NFIA: variants seen among roughly 807,000 people sequenced by gnomAD.
The protein encoded by NFIA is nuclear factor I A, also known as nuclear factor 1 A-type.
NFIA carries 8 observed loss-of-function variants against 62.8 expected under a neutral mutation model. The ratio of observed to expected loss-of-function variants is 0.13; its 90% confidence interval spans 0.07 to 0.23. The LOEUF (loss-of-function observed/expected upper bound fraction) is 0.23, where lower values mean the gene tolerates loss of function less well. Among genes scored for constraint, NFIA ranks in the 10% least tolerant of loss-of-function variants. NFIA has a pLI of 1.00. For missense variants in NFIA, 410 were observed against 642.1 expected (o/e 0.64, Z 3.91); for synonymous variants, 235 against 238.1 (o/e 0.99, Z 0.12).
chr1:61,308,362 A>T (rs1659916810), intron 3 of NFIA, among the ~76,000 whole-genome samples: 1 of 152,232 alleles, frequency 6.6e-6, no homozygotes, highest in Non-Finnish European at 1.5e-5. Flanking sequence ...ATAAGATATC[A>T]TCATCATCAA....
chr1:61,148,159 T>G (rs2100516579), intron 2 of NFIA, among the ~76,000 whole-genome samples: 1 of 152,320 alleles, frequency 6.6e-6, no homozygotes, highest in South Asian at 2.1e-4. Context: ...GCCTGGCATC[T>G]AATGTAGTAG....
At chr1:61,125,664 A>G (rs1340561722) in intron 2 of NFIA, among the ~76,000 whole-genome samples, 1 of 152,236 alleles carries the variant, frequency 6.6e-6, no homozygotes, top group African/African-American at 2.4e-5. Flanking sequence ...ATAAAGTGGA[A>G]TGAGCTAGCA....
At chr1:61,398,842 G>C (rs1665413144) in intron 7 of NFIA, among the ~76,000 whole-genome samples, 1 of 152,186 alleles carries the variant, frequency 6.6e-6, no homozygotes, top group Non-Finnish European at 1.5e-5. Context: ...GGACCATTAA[G>C]ATAGATTTCT....
At chr1:61,427,770 C>T (rs961315719) in intron 10 of NFIA, among the ~76,000 whole-genome samples, 1 of 152,144 alleles carries the variant, frequency 6.6e-6, no homozygotes, top group African/African-American at 2.4e-5. Flanking sequence ...AAGGTTAACT[C>T]TTGAATTTCC....
intron 9 of NFIA, among the ~76,000 whole-genome samples, chr1:61,413,046 T>A (rs1666174814): frequency 6.6e-6 from 1 of 152,164 alleles, no homozygotes; most frequent in Non-Finnish European, 1.5e-5. Flanking sequence ...ACATGCATAT[T>A]TTTTTAATTA....
At chr1:61,446,221 T>A (rs1477130129) in intron 10 of NFIA, among the ~76,000 whole-genome samples, 1 of 152,196 alleles carries the variant, frequency 6.6e-6, no homozygotes, top group Non-Finnish European at 1.5e-5. Context: ...AACTATCTTT[T>A]CTCATGAATC....
intron 9 of NFIA, among the ~76,000 whole-genome samples, chr1:61,423,156 T>G (rs2474369): frequency 0.12 from 17,555 of 151,824 alleles, 2,021 homozygotes; most frequent in African/African-American, 0.3. Flanking sequence ...GCAAATGAGA[T>G]CTGGCCAGAA....
intron 6 of NFIA, among the ~76,000 whole-genome samples, chr1:61,367,883 T>C (rs1663675603): frequency 6.6e-6 from 1 of 152,110 alleles, no homozygotes; most frequent in Admixed American, 6.5e-5. Context: ...AAGCCTCTAG[T>C]ACCTGGCGAC....
At chr1:61,448,119 GT>G (rs1354803684) in intron 10 of NFIA, among the ~76,000 whole-genome samples, 1 of 152,018 alleles carries the variant, frequency 6.6e-6, no homozygotes, top group Non-Finnish European at 1.5e-5. Context: ...AAATAGGATT[GT>G]TTCTGTCCCA....
chr1:61,343,543 G>A (rs531721798), intron 4 of NFIA, among the ~76,000 whole-genome samples: 11 of 152,196 alleles, frequency 7.2e-5, no homozygotes, highest in African/African-American at 1.7e-4. Context: ...AGTACATTTC[G>A]TAAAAAGCAT....
intron 3 of NFIA, among the ~76,000 whole-genome samples, chr1:61,320,062 G>C (rs1660599096): frequency 6.6e-6 from 1 of 151,698 alleles, no homozygotes; most frequent in African/African-American, 2.4e-5. Flanking sequence ...GCTGATTTCT[G>C]TTGTCAAATA....
intron 2 of NFIA, among the ~76,000 whole-genome samples, chr1:61,107,902 GA>G (rs569604309): frequency 2.2e-4 from 33 of 151,552 alleles, no homozygotes; most frequent in African/African-American, 7.0e-4. Context: ...ATCACTTATT[GA>G]ATAATTTCTC....
At chr1:61,236,507 A>C (rs1416233564) in intron 2 of NFIA, among the ~76,000 whole-genome samples, 3 of 152,334 alleles carry the variant, frequency 2.0e-5, no homozygotes, top group Admixed American at 6.5e-5. Flanking sequence ...ACCTACAAAA[A>C]TACTACACAG....
chr1:61,444,381 C>CT (rs1419125514), intron 10 of NFIA, among the ~76,000 whole-genome samples: 5 of 152,218 alleles, frequency 3.3e-5, no homozygotes, highest in African/African-American at 1.2e-4. Context: ...TGCGTAGCCT[C>CT]TGAGTCTGAA....
intron 2 of NFIA, among the ~76,000 whole-genome samples, chr1:61,127,919 A>G (rs1010613551): frequency 6.6e-6 from 1 of 152,112 alleles, no homozygotes; most frequent in African/African-American, 2.4e-5. Context: ...TAAGCCCAGA[A>G]CTTATCCATT....
intron 3 of NFIA, among the ~76,000 whole-genome samples, chr1:61,326,378 T>C (rs1313964141): frequency 6.6e-6 from 1 of 152,218 alleles, no homozygotes; most frequent in Non-Finnish European, 1.5e-5. Context: ...TTTTCATAGT[T>C]TCCCAGTACA....
At chr1:61,192,667 C>T (rs1651721999) in intron 2 of NFIA, among the ~76,000 whole-genome samples, 1 of 151,222 alleles carries the variant, frequency 6.6e-6, no homozygotes, top group African/African-American at 2.4e-5. Flanking sequence ...CGTGCCATTG[C>T]ACTCCAGCCT....
upstream of NFIA, among the ~76,000 whole-genome samples, chr1:61,078,070 G>A (rs927924265): frequency 2.0e-5 from 3 of 152,064 alleles, no homozygotes; most frequent in Non-Finnish European, 4.4e-5. Flanking sequence ...GGGACAACTT[G>A]GGAGATTGAC....
At chr1:61,235,889 T>G (rs1011688100) in intron 2 of NFIA, among the ~76,000 whole-genome samples, 1 of 152,054 alleles carries the variant, frequency 6.6e-6, no homozygotes, top group African/African-American at 2.4e-5. Flanking sequence ...AAGACTGAGT[T>G]GGCTCCCCCA....
Sources: allele counts gnomAD v4.1 joint callset (sites outside exome capture counted in the v4.1 genomes callset), GRCh38; gene constraint gnomAD v4.1.1; transcripts MANE v1.5; gene names NCBI Gene and HGNC (gene_info 2026-07-23, HGNC 2026-07-21).